Variants in CELF2 observed in about 807,000 individuals in gnomAD.
CELF2 encodes CUG triplet repeat RNA-binding protein 2.
CELF2 carries 8 observed loss-of-function variants against 62.6 expected under a neutral mutation model. The observed-to-expected ratio is 0.13, with a 90% CI of 0.07 to 0.23. The LOEUF (loss-of-function observed/expected upper bound fraction) is 0.23, where lower values mean the gene tolerates loss of function less well. Ranked by LOEUF, CELF2 falls within the 10% of genes least tolerant of loss-of-function variation. The probability of loss-of-function intolerance (pLI) is 1.00; values close to 1 mark genes in which losing one functional copy is unlikely to be tolerated. For synonymous variants in CELF2, 258 were observed against 250.0 expected (o/e 1.03, Z -0.30); for missense variants, 333 against 671.0 (o/e 0.50, Z 5.56).
Position 11,131,648 on chromosome 10 carries a change from C to G in CELF2, c.75-33838C>G, listed in dbSNP as rs567228574. On this transcript the variant is annotated intron_variant, in intron 1 of 12. Coordinates refer to ENST00000633077, the MANE Select transcript of CELF2 (RefSeq NM_001326342.2). ...GATCCATGGAGGAAGGTGACATGCT[C>G]TCAGCTATGTTGTGGCAGTAGCCAT... Among the ~76,000 whole-genome samples, 12 of 152,346 alleles carry G rather than the reference C, an allele frequency of 7.9e-5. No individual in the cohort carries two copies. The East Asian group carries it at 2.1e-3, about 27-fold the overall frequency.
intron 1 of CELF2, among the ~76,000 whole-genome samples, chr10:11,116,388 C>T (rs2056571770): frequency 6.6e-6 from 1 of 152,208 alleles, no homozygotes; most frequent in African/African-American, 2.4e-5. Flanking sequence ...GTCAAGAAGC[C>T]TGTGCATGTT....
At chr10:11,218,411 T>C (rs2063887815) in intron 3 of CELF2, among the ~76,000 whole-genome samples, 1 of 152,244 alleles carries the variant, frequency 6.6e-6, no homozygotes, top group South Asian at 2.1e-4. Context: ...TCTGAACGCA[T>C]ACACAAACAC....
At chr10:11,153,231 G>T (rs2063671436) in intron 1 of CELF2, among the ~76,000 whole-genome samples, 1 of 152,216 alleles carries the variant, frequency 6.6e-6, no homozygotes, top group Admixed American at 6.5e-5. Flanking sequence ...AATATAGATA[G>T]ATATTTTTGA....
chr10:11,246,650 T>G lies in CELF2; in HGVS notation c.355-2503T>G, dbSNP rs1331379289. ...AACTCCTCTCCTCTCATGGCTCCCA[T>G]GGGACCAGTTGCTCCTGCAGCTCCT... On this transcript the variant is annotated intron_variant, in intron 3 of 12. Transcript: ENST00000633077. This position sits in a 1 kb window ranked among gnomAD's most constrained non-coding sequence, Gnocchi z 4.6. 6.6e-6 allele frequency among the ~76,000 whole-genome samples: 1 copy of G among 152,194 alleles called. No homozygotes were observed. The highest frequency in any genetic ancestry group is 1.5e-5 in the Non-Finnish European group (1 of 68,032).
chr10:10,982,185 C>G (rs893843837), intron 2 of CELF2, among the ~76,000 whole-genome samples: 42 of 152,070 alleles, frequency 2.8e-4, no homozygotes, highest in Middle Eastern at 3.4e-3. Flanking sequence ...CAGCTCCTGA[C>G]CTCAGGTGAT....
intron 2 of CELF2, chr10:10,922,964 T>C (rs2065062155): frequency 6.6e-6 from 1 of 152,198 alleles, no homozygotes; most frequent in African/African-American, 2.4e-5. Context: ...AATCCTCCCC[T>C]TGTGTCCAGC....
chr10:10,901,578 G>A lies in CELF2; in HGVS notation c.54-18386G>A, dbSNP rs140547148. 2.6e-4 allele frequency among the ~76,000 whole-genome samples: 39 copies of A among 152,220 alleles called. No homozygotes were observed. The East Asian group carries it at 7.1e-3, about 28-fold the overall frequency. ...AAAACATTTAGAAGAAAACATTGGA[G>A]AAAAATGTCTGTGACTGAGTAGGCA... On this transcript the variant is annotated intron_variant, in intron 1 of 13. Coordinates refer to the CELF2 transcript ENST00000636488.
chr10:11,141,087 C>T (rs977217266), intron 1 of CELF2, among the ~76,000 whole-genome samples: 2 of 152,198 alleles, frequency 1.3e-5, no homozygotes, highest in African/African-American at 4.8e-5. Context: ...TTTTTGAACA[C>T]TCACCACATG....
the CELF2 span, among the ~76,000 whole-genome samples, chr10:10,639,227 T>C: frequency 5.9e-5 from 9 of 152,346 alleles, no homozygotes; most frequent in South Asian, 6.2e-4. Context: ...CCTAAGTGTC[T>C]TGAGTATTTT....
At chr10:10,701,550 C>T in the CELF2 span, among the ~76,000 whole-genome samples, 5 of 152,168 alleles carry the variant, frequency 3.3e-5, no homozygotes, top group Non-Finnish European at 7.3e-5. Context: ...TCCAAATACC[C>T]GGGGCTCCAG....
the CELF2 span, among the ~76,000 whole-genome samples, chr10:10,719,607 A>G: frequency 9.9e-5 from 15 of 152,240 alleles, no homozygotes; most frequent in African/African-American, 3.6e-4. Context: ...TAGCCTAGCC[A>G]AGCACTCTCT....
At chr10:10,932,608 TTAG>T (rs2066190809) in intron 2 of CELF2, among the ~76,000 whole-genome samples, 1 of 152,122 alleles carries the variant, frequency 6.6e-6, no homozygotes, top group Non-Finnish European at 1.5e-5. Flanking sequence ...GGAATCAATT[TTAG>T]TAGAAGAAAG....
the CELF2 span, among the ~76,000 whole-genome samples, chr10:10,537,262 G>C: frequency 7.2e-5 from 11 of 152,168 alleles, no homozygotes; most frequent in Non-Finnish European, 1.3e-4. Flanking sequence ...AATGCCAAGA[G>C]ATGGATAAGA....
chr10:10,929,817 G>T (rs552450516), intron 2 of CELF2, among the ~76,000 whole-genome samples: 2 of 152,136 alleles, frequency 1.3e-5, no homozygotes. Flanking sequence ...CAAGCCATCG[G>T]GCATATAACC....
chr10:11,040,133 G>A (rs2061574013), intron 1 of CELF2, among the ~76,000 whole-genome samples: 1 of 152,162 alleles, frequency 6.6e-6, no homozygotes, highest in African/African-American at 2.4e-5. Flanking sequence ...AGGACAGGAG[G>A]AAGTTCAAGA....
At chr10:10,923,156 A>G (rs963407183) in intron 2 of CELF2, 1 of 152,214 alleles carries the variant, frequency 6.6e-6, no homozygotes, top group Non-Finnish European at 1.5e-5. Flanking sequence ...TTTGTAGGCT[A>G]ATGATTAGTG....
At chr10:10,740,215 T>A in the CELF2 span, among the ~76,000 whole-genome samples, 1 of 146,958 alleles carries the variant, frequency 6.8e-6, no homozygotes, top group South Asian at 2.2e-4. Flanking sequence ...ATCAAGGAGC[T>A]TTTCCCCTGT....
intron 1 of CELF2, among the ~76,000 whole-genome samples, chr10:11,151,564 C>T (rs759072917): frequency 2.0e-5 from 3 of 152,068 alleles, no homozygotes; most frequent in Admixed American, 6.5e-5. Flanking sequence ...GTATCAGTAC[C>T]GTATACACAG....
the CELF2 span, among the ~76,000 whole-genome samples, chr10:10,561,650 A>G: frequency 2.6e-5 from 4 of 152,140 alleles, no homozygotes; most frequent in African/African-American, 9.7e-5. Context: ...AACACCACTG[A>G]GAAGGTGGCA....
Sources: gnomAD v4.1 joint callset for allele counts (sites outside exome capture counted in the v4.1 genomes callset) on GRCh38, gnomAD v4.1.1 for gene constraint, Gnocchi (gnomAD v3.1) non-coding constraint, MANE v1.5 for transcripts, NCBI Gene and HGNC (gene_info 2026-07-23, HGNC 2026-07-21) for gene names.